Variants in SCGN observed in about 807,000 individuals in gnomAD.
The protein encoded by SCGN is secretagogin, EF-hand calcium binding protein.
A neutral mutation model predicts 39.7 loss-of-function variants in SCGN; 30 were observed. The observed-to-expected ratio is 0.76, with a 90% CI of 0.57 to 1.03. The LOEUF (loss-of-function observed/expected upper bound fraction) is 1.03. Among genes scored for constraint, SCGN ranks in the 50% least tolerant of loss-of-function variants. The probability of loss-of-function intolerance (pLI) is 0.00; values close to 1 mark genes in which losing one functional copy is unlikely to be tolerated. For synonymous variants in SCGN, 106 were observed against 114.1 expected (o/e 0.93, Z 0.45); for missense variants, 353 against 349.4 (o/e 1.01, Z -0.08).
chr6:25,652,895 A>G (rs952360862), intron 1 of SCGN, among the ~76,000 whole-genome samples: 1 of 152,192 alleles, frequency 6.6e-6, no homozygotes, highest in Non-Finnish European at 1.5e-5. Context: ...TCACTCTCTC[A>G]AAATGAGAAT....
intron 6 of SCGN, among the ~76,000 whole-genome samples, chr6:25,675,357 C>T (rs563818388): frequency 4.9e-4 from 74 of 152,310 alleles, no homozygotes; most frequent in African/African-American, 1.2e-3. Context: ...GAGATAAGCC[C>T]GTGCCCAGGC....
intron 6 of SCGN, among the ~76,000 whole-genome samples, chr6:25,674,556 A>G (rs1759541474): frequency 6.6e-6 from 1 of 152,250 alleles, no homozygotes; most frequent in Non-Finnish European, 1.5e-5. Context: ...AGCAATGGAC[A>G]TAGTCATGGC....
chr6:25,656,108 T>C (rs1011233515), intron 2 of SCGN, among the ~76,000 whole-genome samples: 4 of 152,222 alleles, frequency 2.6e-5, no homozygotes, highest in South Asian at 4.1e-4. Flanking sequence ...TAAGTAGGCC[T>C]TAAGCAAGTT....
intron 2 of SCGN, 94 bp from the exon 3 acceptor site, chr6:25,661,458 T>G (rs1760335616): frequency 2.3e-6 from 2 of 872,714 alleles, no homozygotes; most frequent in South Asian, 3.1e-5. Context: ...TTGAAAAACA[T>G]AATTTTCACG....
At chr6:25,687,627 A>T (rs540307175) in intron 7 of SCGN, among the ~76,000 whole-genome samples, 7 of 152,224 alleles carry the variant, frequency 4.6e-5, no homozygotes, top group South Asian at 2.1e-4. Context: ...ATCTATAAAG[A>T]GATAGTTTTA....
intron 2 of SCGN, among the ~76,000 whole-genome samples, chr6:25,661,162 G>A (rs1172947624): frequency 5.9e-5 from 9 of 152,162 alleles, no homozygotes; most frequent in Non-Finnish European, 1.3e-4. Flanking sequence ...AGAAGAACTG[G>A]ACTTTTCAGT....
intron 2 of SCGN, among the ~76,000 whole-genome samples, chr6:25,658,003 C>CTTTTTTTTT (rs759915721): frequency 1.6e-4 from 11 of 70,386 alleles, no homozygotes; most frequent in Non-Finnish European, 2.5e-4. Flanking sequence ...GAAAGGTATC[C>CTTTTTTTTT]TTTTTTTTTT....
rs200206687 is a variant in SCGN at position 25,653,415 on chromosome 6, C to A, written c.116C>A (p.Ala39Asp). The change falls in exon 2 of 11, where the codon GCT becomes GAT. Residue 39 changes from alanine to aspartate, a missense_variant. Transcript: ENST00000377961. ...KGYIEEKELD[A>D]FFLHMLMKLG... The stretch of plus-strand genomic sequence containing the variant: ...TACATAGAAGAGAAGGAACTCGATG[C>A]TTTCTTTCTCCACATGTTGATGAAA... The A allele has an allele frequency of 7.6e-5, 122 of 1,612,920 alleles. No individual in the cohort carries two copies. Among genetic ancestry groups the A allele is most frequent in the Non-Finnish European group, 9.3e-5 (110 of 1,179,292 alleles).
chr6:25,694,885 A>T (rs905433939), intron 10 of SCGN, among the ~76,000 whole-genome samples: 1 of 152,174 alleles, frequency 6.6e-6, no homozygotes, highest in African/African-American at 2.4e-5. Context: ...TTCATTTTAT[A>T]AAAAAGGGCC....
At position 25,681,774 on chromosome 6, in the gene SCGN, C is replaced by T. The variant is rs556159686; in HGVS notation, c.472-177C>T. Among the ~76,000 whole-genome samples, 3 of 152,328 alleles carry T rather than the reference C, an allele frequency of 2.0e-5. No individual in the cohort carries two copies. In the East Asian group the frequency reaches 5.8e-4, roughly 29 times the overall value. On this transcript the variant is annotated intron_variant, in intron 6 of 10. Transcript: ENST00000377961. ...ATTTGGTTACTACGACTCATCCTAACAGAGAGGCTGACATGCAATTCCTTC... is the reference window on the plus strand; with the variant it reads ...ATTTGGTTACTACGACTCATCCTAATAGAGAGGCTGACATGCAATTCCTTC...
At chr6:25,654,326 G>C in intron 2 of SCGN, among the ~76,000 whole-genome samples, 1 of 152,312 alleles carries the variant, frequency 6.6e-6, no homozygotes, top group Non-Finnish European at 1.5e-5. Flanking sequence ...GGGTATGTGG[G>C]GGGCAGGGGA....
intron 3 of SCGN, among the ~76,000 whole-genome samples, chr6:25,663,307 C>T (rs192867918): frequency 1.3e-5 from 2 of 152,286 alleles, no homozygotes; most frequent in Non-Finnish European, 2.9e-5. Flanking sequence ...AAAGGCCACC[C>T]TTAGTCTCAA....
intron 2 of SCGN, among the ~76,000 whole-genome samples, 161 bp downstream of exon 2, chr6:25,653,613 G>A (rs1372014167): frequency 1.3e-5 from 2 of 152,158 alleles, no homozygotes; most frequent in Non-Finnish European, 2.9e-5. Context: ...GATTTAGGCA[G>A]TTTTTATAAA....
At chr6:25,673,473 C>A (rs1759525987) in intron 6 of SCGN, among the ~76,000 whole-genome samples, 2 of 152,150 alleles carry the variant, frequency 1.3e-5, no homozygotes, top group African/African-American at 4.8e-5. Flanking sequence ...CATCATCTTA[C>A]AATGGGATGT....
At position 25,661,536 on chromosome 6, in the gene SCGN, G is replaced by A. The variant is rs1170986244; in HGVS notation, c.154-16G>A. The A allele has an allele frequency of 5.6e-6, 9 of 1,597,910 alleles. No individual in the cohort carries two copies. The highest frequency in any genetic ancestry group is 7.7e-6 in the Non-Finnish European group (9 of 1,165,986). ...ATTCCAGTGGCTTTAATGTGGCTCT[G>A]TTTGGTCAATTGCAGGACACGGTCA... On this transcript the variant is annotated splice_polypyrimidine_tract_variant and intron_variant, in intron 2 of 10. Transcript: ENST00000377961.
At position 25,701,637 on chromosome 6, in the gene SCGN, A is replaced by AC; in HGVS notation, c.*303dup. ...TTCCCCAGTCACCAGGGTGGGGGGG[A>AC]CAGGGGCAGCTGAGTGCATTCATTT... On this transcript the variant is annotated 3_prime_UTR_variant, in exon 11 of 11. Transcript: ENST00000377961. 4.1e-6 allele frequency: 1 copy of AC among 243,108 alleles called. No individual in the cohort carries two copies. The highest frequency in any genetic ancestry group is 7.8e-6 in the Non-Finnish European group (1 of 128,292). The allele number at this position is 243,108 out of a possible 1,614,324, so 15.1% of individuals were successfully genotyped here. A position where few individuals can be genotyped will look rare whatever the true frequency, so the allele number is the denominator to read the frequency against.
intron 1 of SCGN, 28 bp from the exon 2 acceptor site, chr6:25,653,354 T>C: frequency 7.1e-7 from 1 of 1,412,492 alleles, no homozygotes; most frequent in Non-Finnish European, 1.0e-6. Flanking sequence ...TATGTTAGTA[T>C]TATTTATGTT....
intron 3 of SCGN, among the ~76,000 whole-genome samples, chr6:25,664,069 GA>G (rs1157083708): frequency 6.6e-6 from 1 of 151,928 alleles, no homozygotes; most frequent in Non-Finnish European, 1.5e-5. Context: ...AGCCAAACCT[GA>G]AAAAAAGTAT....
chr6:25,660,532 G>A (rs1233156491), intron 2 of SCGN, among the ~76,000 whole-genome samples: 1 of 152,210 alleles, frequency 6.6e-6, no homozygotes, highest in Non-Finnish European at 1.5e-5. Context: ...TTGCACCTGG[G>A]TTGTTCTGGC....
Sources: allele counts gnomAD v4.1 joint callset (sites outside exome capture counted in the v4.1 genomes callset), GRCh38; gene constraint gnomAD v4.1.1; transcripts MANE v1.5; gene names NCBI Gene and HGNC (gene_info 2026-07-23, HGNC 2026-07-21).